Variants in LTBP1 observed in about 807,000 individuals in gnomAD.
LTBP1 encodes latent-transforming growth factor beta-binding protein 1.
Under a neutral mutation model 207.6 loss-of-function variants are expected in LTBP1, and 129 were observed. The observed-to-expected ratio is 0.62, with a 90% CI of 0.54 to 0.72. The LOEUF (loss-of-function observed/expected upper bound fraction) is 0.72. Ranked by LOEUF, LTBP1 falls within the 30% of genes least tolerant of loss-of-function variation. LTBP1 has a pLI of 0.00. For synonymous variants in LTBP1, 963 were observed against 833.7 expected (o/e 1.16, Z -2.67); for missense variants, 2,281 against 2,217.2 (o/e 1.03, Z -0.58).
intron 22 of LTBP1, among the ~76,000 whole-genome samples, chr2:33,302,950 T>TACACACACAC (rs70938396): frequency 3.5e-5 from 5 of 144,900 alleles, no homozygotes; most frequent in African/African-American, 1.3e-4. Context: ...CTAATATTTT[T>TACACACACAC]ACACACACAC....
intron 3 of LTBP1, among the ~76,000 whole-genome samples, chr2:33,078,523 GTGGGAATAATTATCAGGAAAAAGTT>G (rs2078205808): frequency 6.6e-6 from 1 of 152,196 alleles, no homozygotes; most frequent in Non-Finnish European, 1.5e-5. Flanking sequence ...AGGAATAATT[GTGGGAATAATTATCAGGAAAAAGTT>G]TGGGGAACAG....
At chr2:33,097,655 T>C (rs926840304) in intron 3 of LTBP1, among the ~76,000 whole-genome samples, 1 of 152,226 alleles carries the variant, frequency 6.6e-6, no homozygotes, top group Non-Finnish European at 1.5e-5. Context: ...GTGGATAACC[T>C]GTGTTTTTCT....
chr2:33,082,287 C>T (rs1018756224), intron 3 of LTBP1, among the ~76,000 whole-genome samples: 6 of 152,104 alleles, frequency 3.9e-5, no homozygotes, highest in African/African-American at 1.2e-4. Flanking sequence ...TTCTCAGCCT[C>T]CAGAACTGTG....
intron 5 of LTBP1, among the ~76,000 whole-genome samples, chr2:33,135,397 A>G (rs757380195): frequency 4.6e-5 from 7 of 152,252 alleles, no homozygotes; most frequent in Non-Finnish European, 8.8e-5. Flanking sequence ...AAAATAGCCA[A>G]GCTCTAAAAC....
At position 33,290,576 on chromosome 2, in the gene LTBP1, CAAATT is replaced by C. The variant is rs544547412; in HGVS notation, c.3113-2580_3113-2576del. Among the ~76,000 whole-genome samples, 81 of 152,220 alleles carry C rather than the reference CAAATT, an allele frequency of 5.3e-4. 1 individual carries two copies. In the South Asian group the frequency reaches 0.012, roughly 22 times the overall value. ...TTAGAGAAGCCAAGTCTTAGACAAA[CAAATT>C]AAAAGACTGTGGCAGTAACTCGGGT... On this transcript the variant is annotated intron_variant, in intron 19 of 33. Transcript: ENST00000404816.
intron 4 of LTBP1, among the ~76,000 whole-genome samples, chr2:33,129,759 C>G (rs906477381): frequency 1.8e-4 from 28 of 152,126 alleles, no homozygotes; most frequent in African/African-American, 6.8e-4. Flanking sequence ...TTTTCTTGAT[C>G]TGAGACTTAG....
intron 24 of LTBP1, among the ~76,000 whole-genome samples, chr2:33,333,368 G>A (rs369111051): frequency 1.3e-4 from 20 of 152,120 alleles, no homozygotes; most frequent in Middle Eastern, 3.4e-3. Flanking sequence ...TTTTGGCAAT[G>A]GGGTTAGAGG....
At chr2:33,219,282 G>A (rs1046071101) in intron 8 of LTBP1, among the ~76,000 whole-genome samples, 14 of 152,150 alleles carry the variant, frequency 9.2e-5, no homozygotes, top group Admixed American at 2.6e-4. Flanking sequence ...AAGCTGATTC[G>A]ATGATCATTT....
At position 33,188,859 on chromosome 2, in the gene LTBP1, T is replaced by A; in HGVS notation, c.1701+8T>A. 6.2e-7 allele frequency: 1 copy of A among 1,613,276 alleles called. No homozygotes were observed. The highest frequency in any genetic ancestry group is 8.5e-7 in the Non-Finnish European group (1 of 1,179,338). ...GAAACCATTGGGTCACAGGTAAACA[T>A]CATCACCGAGCCTGCTTTAGCAGTG... On this transcript the variant is annotated splice_region_variant and intron_variant, in intron 7 of 33. Coordinates refer to ENST00000404816, the MANE Select transcript of LTBP1 (RefSeq NM_206943.4).
chr2:33,009,647 G>C (rs1359732348), intron 2 of LTBP1, among the ~76,000 whole-genome samples: 1 of 152,154 alleles, frequency 6.6e-6, no homozygotes, highest in African/African-American at 2.4e-5. Flanking sequence ...CTGACATCTT[G>C]ATTTCAGATT....
rs543083343 is a variant in LTBP1, at chr2:33,277,916, G to A, written c.2992+1993G>A. Among the ~76,000 whole-genome samples the A allele has an allele frequency of 4.1e-5, 6 of 145,628 alleles. No homozygotes were observed. In the South Asian group the frequency reaches 8.7e-4, roughly 21 times the overall value. On this transcript the variant is annotated intron_variant, in intron 18 of 33. Coordinates refer to ENST00000404816, the MANE Select transcript of LTBP1 (RefSeq NM_206943.4). ...GCGATCTCAGCTCACTGCAAGCTCC[G>A]CCTCCCGGGTTCACATCATTCTCCT...
intron 5 of LTBP1, among the ~76,000 whole-genome samples, chr2:33,164,306 C>T (rs966696910): frequency 1.2e-4 from 17 of 137,912 alleles, no homozygotes; most frequent in East Asian, 6.5e-4. Flanking sequence ...GCTGAGATTG[C>T]GCCACTGCAC....
chr2:33,235,290 CAT>C (rs1558861413), intron 9 of LTBP1, among the ~76,000 whole-genome samples: 2 of 152,046 alleles, frequency 1.3e-5, no homozygotes, highest in Non-Finnish European at 2.9e-5. Flanking sequence ...AGCCAACAAA[CAT>C]GAAAAAAAGC....
At chr2:33,188,917 G>C in intron 7 of LTBP1, 66 bp downstream of exon 7, 1 of 1,507,044 alleles carries the variant, frequency 6.6e-7, no homozygotes, top group Non-Finnish European at 9.0e-7. Context: ...TAACAAGAAA[G>C]CCAGACTTGA....
chr2:33,020,864 A>G (rs747841440), intron 2 of LTBP1, 45 bp from the exon 3 acceptor site: 2 of 1,515,374 alleles, frequency 1.3e-6, no homozygotes, highest in Non-Finnish European at 1.8e-6. Context: ...TAGGAAGTCT[A>G]CAATGTTGTT....
intron 2 of LTBP1, among the ~76,000 whole-genome samples, chr2:32,984,670 C>T (rs933420527): frequency 6.6e-6 from 1 of 152,232 alleles, no homozygotes; most frequent in Non-Finnish European, 1.5e-5. Context: ...GCCTGTAATC[C>T]CAGCACTTTG....
intron 3 of LTBP1, among the ~76,000 whole-genome samples, chr2:33,028,600 C>T (rs1441481098): frequency 6.6e-6 from 1 of 152,134 alleles, no homozygotes; most frequent in African/African-American, 2.4e-5. Context: ...TTGGAATTAG[C>T]AAAACTTTAC....
intron 24 of LTBP1, among the ~76,000 whole-genome samples, chr2:33,329,168 A>G (rs544827208): frequency 2.0e-5 from 3 of 152,310 alleles, no homozygotes; most frequent in Admixed American, 6.5e-5. Context: ...ATTATCATCA[A>G]TAATTGGTAT....
chr2:33,287,101 A>G (rs1455993577), intron 19 of LTBP1, among the ~76,000 whole-genome samples: 1 of 146,452 alleles, frequency 6.8e-6, no homozygotes, highest in Admixed American at 6.7e-5. Flanking sequence ...AATAAAAACA[A>G]CAACAACAAC....
Sources: allele counts gnomAD v4.1 joint callset (sites outside exome capture counted in the v4.1 genomes callset), GRCh38; gene constraint gnomAD v4.1.1; transcripts MANE v1.5; gene names NCBI Gene and HGNC (gene_info 2026-07-23, HGNC 2026-07-21).